Variants in SELENOF observed in about 807,000 individuals in gnomAD.
SELENOF encodes 15 kDa selenoprotein.
SELENOF carries 16 observed loss-of-function variants against 20.5 expected under a neutral mutation model. That is an observed-to-expected ratio of 0.78 (90% CI 0.53 to 1.19). The LOEUF is 1.19. Ranked by LOEUF, SELENOF falls within the 50% of genes most tolerant of loss-of-function variation. The probability of loss-of-function intolerance (pLI) is 0.00; values close to 1 mark genes in which losing one functional copy is unlikely to be tolerated. For missense variants in SELENOF, 215 were observed against 194.2 expected, an observed-to-expected ratio of 1.11 and a Z score of -0.64; for synonymous variants, 78 against 74.5, an observed-to-expected ratio of 1.05 and a Z score of -0.24.
At chr1:86,869,357 T>C (rs878937068) in intron 3 of SELENOF, among the ~76,000 whole-genome samples, 4 of 152,244 alleles carry the variant, frequency 2.6e-5, no homozygotes, top group Admixed American at 2.6e-4. Flanking sequence ...TACCACATAA[T>C]CATTGAAAAA....
At chr1:86,902,318 G>C (rs929391432) in intron 2 of SELENOF, among the ~76,000 whole-genome samples, 1 of 152,126 alleles carries the variant, frequency 6.6e-6, no homozygotes, top group African/African-American at 2.4e-5. Context: ...TGGAATTTCA[G>C]GTTCAGATAC....
chr1:86,901,037 C>T (rs539646071), intron 2 of SELENOF, among the ~76,000 whole-genome samples: 3 of 152,198 alleles, frequency 2.0e-5, no homozygotes, highest in African/African-American at 4.8e-5. Flanking sequence ...GTACTATAGG[C>T]GTAAACCACC....
In SELENOF at chr1:86,903,318, C is replaced by T; in HGVS notation, c.215G>A (p.Gly72Glu). The T allele has an allele frequency of 6.2e-7, 1 of 1,612,060 alleles. No individual in the cohort carries two copies. Reference protein sequence around the residue: ...NLLQLDPDCRGCCQEEAQFET... With the variant: ...NLLQLDPDCRECCQEEAQFET... Reference sequence around the variant, plus strand: ...AAATTGTGCTTCCTCCTGACAGCATCCTCTGCAATCAGGATCCAGCTGAAG... The same window carrying T: ...AAATTGTGCTTCCTCCTGACAGCATTCTCTGCAATCAGGATCCAGCTGAAG... The change falls in exon 2 of 5, where the codon GGA (glycine) becomes GAA (glutamate). Residue 72 changes from glycine (G) to glutamate (E), a missense_variant. Transcript: ENST00000331835.
intron 2 of SELENOF, among the ~76,000 whole-genome samples, chr1:86,896,691 C>G (rs1659535290): frequency 6.6e-6 from 1 of 152,020 alleles, no homozygotes. Flanking sequence ...TTATGGCATC[C>G]TTGTAAGTAA....
chr1:86,866,541 G>A (rs899094350), intron 4 of SELENOF, among the ~76,000 whole-genome samples: 1 of 152,004 alleles, frequency 6.6e-6, no homozygotes, highest in Admixed American at 6.6e-5. Context: ...ATAGAGAACT[G>A]TTACAGAACA....
At chr1:86,878,285 A>C (rs981847898) in intron 3 of SELENOF, among the ~76,000 whole-genome samples, 1 of 152,228 alleles carries the variant, frequency 6.6e-6, no homozygotes, top group Admixed American at 6.5e-5. Context: ...GAAATGGTTA[A>C]TTTAAATTAA....
chr1:86,897,583 C>G (rs1258447805), intron 2 of SELENOF, among the ~76,000 whole-genome samples: 1 of 152,114 alleles, frequency 6.6e-6, no homozygotes, highest in African/African-American at 2.4e-5. Context: ...TAGTACCTAG[C>G]TCTGCTCTTT....
At chr1:86,896,977 C>T (rs1305557380) in intron 2 of SELENOF, among the ~76,000 whole-genome samples, 1 of 151,768 alleles carries the variant, frequency 6.6e-6, no homozygotes, top group Non-Finnish European at 1.5e-5. Context: ...ATACTGTGTG[C>T]TAAAGGCTGG....
At chr1:86,908,759 G>A (rs1396126051) in intron 1 of SELENOF, among the ~76,000 whole-genome samples, 1 of 152,146 alleles carries the variant, frequency 6.6e-6, no homozygotes, top group Non-Finnish European at 1.5e-5. Flanking sequence ...CTTTTTGAAT[G>A]AGAAAATATT....
chr1:86,867,762 C>T (rs1185059483), intron 4 of SELENOF, among the ~76,000 whole-genome samples: 1 of 132,334 alleles, frequency 7.6e-6, no homozygotes. Flanking sequence ...ACAAATGTAC[C>T]ACACCAATGC....
chr1:86,898,278 C>T (rs990969454), intron 2 of SELENOF, among the ~76,000 whole-genome samples: 3 of 152,080 alleles, frequency 2.0e-5, no homozygotes, highest in Non-Finnish European at 2.9e-5. Flanking sequence ...ATGATCAAAA[C>T]TGGAAGGGAG....
chr1:86,866,219 A>AAAGT (rs1658588495), intron 4 of SELENOF, among the ~76,000 whole-genome samples: 1 of 87,258 alleles, frequency 1.1e-5, no homozygotes, highest in African/African-American at 4.9e-5. Context: ...AAAAAAAAAA[A>AAAGT]GTGTGTGTCT....
chr1:86,889,321 C>T (rs144408496), intron 2 of SELENOF, among the ~76,000 whole-genome samples: 43 of 152,094 alleles, frequency 2.8e-4, no homozygotes, highest in Non-Finnish European at 1.2e-4. Context: ...GTTGGCTGGG[C>T]GCGGTGGCTC....
chr1:86,878,640 C>G (rs1658984545), intron 3 of SELENOF, among the ~76,000 whole-genome samples: 1 of 152,136 alleles, frequency 6.6e-6, no homozygotes, highest in African/African-American at 2.4e-5. Flanking sequence ...TGAAATTGCG[C>G]CACTGCACTC....
At chr1:86,890,568 T>C (rs1347787982) in intron 2 of SELENOF, among the ~76,000 whole-genome samples, 1 of 152,070 alleles carries the variant, frequency 6.6e-6, no homozygotes, top group Non-Finnish European at 1.5e-5. Context: ...TGGATCACTG[T>C]AGCCTCGACC....
At chr1:86,901,783 G>T (rs1487006560) in intron 2 of SELENOF, among the ~76,000 whole-genome samples, 1 of 152,200 alleles carries the variant, frequency 6.6e-6, no homozygotes, top group Non-Finnish European at 1.5e-5. Context: ...GGGGTATTAT[G>T]AAGAACTACT....
chr1:86,866,103 G>T (rs1658583092), intron 4 of SELENOF, among the ~76,000 whole-genome samples: 1 of 151,332 alleles, frequency 6.6e-6, no homozygotes, highest in East Asian at 1.9e-4. Flanking sequence ...AGGCTGAGGT[G>T]GCGGGATTGC....
At chr1:86,891,437 G>C (rs967220003) in intron 2 of SELENOF, among the ~76,000 whole-genome samples, 17 of 152,228 alleles carry the variant, frequency 1.1e-4, no homozygotes, top group Admixed American at 1.3e-4. Context: ...TGTATAAATG[G>C]AAAGTTTATT....
At chr1:86,893,795 T>C (rs988026506) in intron 2 of SELENOF, among the ~76,000 whole-genome samples, 1 of 151,958 alleles carries the variant, frequency 6.6e-6, no homozygotes, top group Non-Finnish European at 1.5e-5. Flanking sequence ...GTAATACATA[T>C]AAAAAAATGA....
Sources: allele counts gnomAD v4.1 joint callset (sites outside exome capture counted in the v4.1 genomes callset), GRCh38; gene constraint gnomAD v4.1.1; transcripts MANE v1.5; gene names NCBI Gene and HGNC (gene_info 2026-07-23, HGNC 2026-07-21).